SHISA9: variants seen among roughly 807,000 people sequenced by gnomAD.
The protein encoded by SHISA9 is protein shisa-9.
A neutral mutation model predicts 38.0 loss-of-function variants in SHISA9; 13 were observed. That is an observed-to-expected ratio of 0.34 (90% CI 0.22 to 0.54). The LOEUF (loss-of-function observed/expected upper bound fraction) is 0.54, where lower values mean the gene tolerates loss of function less well. SHISA9 is among the 20% of genes least tolerant of loss of function. The pLI, the probability that SHISA9 is intolerant of heterozygous loss-of-function variation, is 0.91. For synonymous variants in SHISA9, 275 were observed against 242.0 expected (o/e 1.14, Z -1.27); for missense variants, 538 against 575.8 (o/e 0.93, Z 0.67).
chr16:13,508,539 G>A, the SHISA9 span, among the ~76,000 whole-genome samples: 1 of 152,066 alleles, frequency 6.6e-6, no homozygotes, highest in African/African-American at 2.4e-5. Context: ...AGGGTGGGGT[G>A]GGAAGTGTAT....
At chr16:13,028,247 C>T (rs537597757) in intron 2 of SHISA9, among the ~76,000 whole-genome samples, 1 of 152,120 alleles carries the variant, frequency 6.6e-6, no homozygotes, top group African/African-American at 2.4e-5. Context: ...AGAAATCTGC[C>T]TCTATCATTG....
chr16:13,128,699 T>A (rs1263619166), intron 2 of SHISA9, among the ~76,000 whole-genome samples: 1 of 152,176 alleles, frequency 6.6e-6, no homozygotes, highest in East Asian at 1.9e-4. Flanking sequence ...GTCTAGCTTA[T>A]GTCCCACTGG....
intron 2 of SHISA9, among the ~76,000 whole-genome samples, chr16:13,085,982 A>G (rs2073706293): frequency 6.6e-6 from 1 of 152,250 alleles, no homozygotes; most frequent in Admixed American, 6.5e-5. Flanking sequence ...ATGAGAGGCC[A>G]TAATGAAAAC....
chr16:13,291,326 C>A, the SHISA9 span, among the ~76,000 whole-genome samples: 1 of 152,136 alleles, frequency 6.6e-6, no homozygotes, highest in Admixed American at 6.5e-5. Context: ...CAAACCCAAG[C>A]TCTTGATAAG....
At chr16:12,972,977 G>A (rs534216870) in intron 2 of SHISA9, among the ~76,000 whole-genome samples, 81 of 152,226 alleles carry the variant, frequency 5.3e-4, no homozygotes, top group Admixed American at 2.7e-3. Context: ...TTAGCCAGGC[G>A]TGGTGGTGGG....
the SHISA9 span, among the ~76,000 whole-genome samples, chr16:13,469,320 G>GAGAGAGAAAGAAAGAA: frequency 4.5e-4 from 28 of 61,604 alleles, 1 homozygote; most frequent in Admixed American, 1.3e-3. Flanking sequence ...GAGAGAGAGA[G>GAGAGAGAAAGAAAGAA]AGAAAGAAAG....
the SHISA9 span, among the ~76,000 whole-genome samples, chr16:13,391,655 A>G: frequency 6.6e-6 from 1 of 152,150 alleles, no homozygotes; most frequent in Non-Finnish European, 1.5e-5. Context: ...GTTCCACCCT[A>G]GATCAATTAA....
chr16:13,364,740 C>T, the SHISA9 span, among the ~76,000 whole-genome samples: 15,056 of 152,118 alleles, frequency 0.099, 819 homozygotes, highest in South Asian at 0.21. Context: ...TTTCCCTGGA[C>T]GATAATCACT....
chr16:13,172,171 G>C (rs2050692167), intron 2 of SHISA9, among the ~76,000 whole-genome samples: 1 of 151,636 alleles, frequency 6.6e-6, no homozygotes, highest in African/African-American at 2.4e-5. Flanking sequence ...TTTTCAATAG[G>C]TACTCTTCTT....
At chr16:13,373,254 T>G in the SHISA9 span, among the ~76,000 whole-genome samples, 4 of 152,248 alleles carry the variant, frequency 2.6e-5, no homozygotes, top group Non-Finnish European at 5.9e-5. Context: ...CAGCATTAGC[T>G]GATTCGCCAT....
chr16:13,525,354 C>G, the SHISA9 span, among the ~76,000 whole-genome samples: 1 of 151,978 alleles, frequency 6.6e-6, no homozygotes. Context: ...GACTTTCTGT[C>G]GAAGAGTCCG....
intron 2 of SHISA9, among the ~76,000 whole-genome samples, chr16:12,920,176 T>A (rs1291124101): frequency 8.8e-6 from 1 of 113,700 alleles, no homozygotes; most frequent in African/African-American, 3.3e-5. Flanking sequence ...AAGTCGTGGG[T>A]ACGGGGAGGG....
chr16:13,235,558 G>T lies in SHISA9; in HGVS notation c.*149G>T, dbSNP rs1292318100. Reference sequence around the variant, plus strand: ...CAACTCTAAACCTACTGGGGACACAGAGTCGCGCTTTTCCTAGGTCATGCC... The same window carrying T: ...CAACTCTAAACCTACTGGGGACACATAGTCGCGCTTTTCCTAGGTCATGCC... On this transcript the variant is annotated 3_prime_UTR_variant, in exon 5 of 5. Transcript: ENST00000558583. 4.4e-5 allele frequency: 46 copies of T among 1,044,266 alleles called. No individual in the cohort carries two copies. Among genetic ancestry groups the T allele is most frequent in the Middle Eastern group, 2.7e-4 (1 of 3,696 alleles). 64.7% of individuals were successfully genotyped at this position (1,044,266 alleles called of 1,614,324 possible). A position where few individuals can be genotyped will look rare whatever the true frequency, so the allele number is the denominator to read the frequency against.
chr16:13,296,719 C>T, the SHISA9 span, among the ~76,000 whole-genome samples: 6 of 151,418 alleles, frequency 4.0e-5, no homozygotes, highest in African/African-American at 1.5e-4. Flanking sequence ...GGTAAAACTC[C>T]GTCTCTACTA....
chr16:13,302,660 C>A, the SHISA9 span, among the ~76,000 whole-genome samples: 1 of 152,212 alleles, frequency 6.6e-6, no homozygotes, highest in Non-Finnish European at 1.5e-5. Context: ...GGAATGGCCA[C>A]GGCCCACTTC....
the SHISA9 span, among the ~76,000 whole-genome samples, chr16:13,306,965 A>G: frequency 6.6e-6 from 1 of 152,244 alleles, no homozygotes; most frequent in African/African-American, 2.4e-5. Context: ...ATAAATATTT[A>G]TGAATGAAAT....
chr16:13,548,569 A>G, the SHISA9 span, among the ~76,000 whole-genome samples: 1 of 152,252 alleles, frequency 6.6e-6, no homozygotes, highest in Non-Finnish European at 1.5e-5. Context: ...ACATTTCTCA[A>G]AACAAGACAA....
At chr16:13,151,336 GCCTCAAGCGATCCACCCA>G (rs1381541309) in intron 2 of SHISA9, among the ~76,000 whole-genome samples, 1 of 151,948 alleles carries the variant, frequency 6.6e-6, no homozygotes, top group Non-Finnish European at 1.5e-5. Flanking sequence ...CTAACTCCTG[GCCTCAAGCGATCCACCCA>G]CCTCAGCCTC....
intron 4 of SHISA9, among the ~76,000 whole-genome samples, chr16:13,225,906 C>G (rs1174076189): frequency 1.3e-5 from 2 of 152,182 alleles, no homozygotes; most frequent in Non-Finnish European, 2.9e-5. Context: ...GCACCTTTTC[C>G]TTTCTTCTTC....
Sources: gnomAD v4.1 joint callset for allele counts (sites outside exome capture counted in the v4.1 genomes callset) on GRCh38, gnomAD v4.1.1 for gene constraint, MANE v1.5 for transcripts, NCBI Gene and HGNC (gene_info 2026-07-23, HGNC 2026-07-21) for gene names.